The following CSRNP3 variants were observed in gnomAD, a reference collection of about 807,000 sequenced individuals.
The protein encoded by CSRNP3 is cysteine and serine rich nuclear protein 3, also known as cysteine/serine-rich nuclear protein 3.
CSRNP3 carries 12 observed loss-of-function variants against 48.0 expected under a neutral mutation model. The observed-to-expected ratio is 0.25, with a 90% CI of 0.16 to 0.41. The LOEUF is 0.41. Among genes scored for constraint, CSRNP3 ranks in the 10% least tolerant of loss-of-function variants. CSRNP3 has a pLI of 1.00. For synonymous variants in CSRNP3, 263 were observed against 269.7 expected (o/e 0.98, Z 0.24); for missense variants, 580 against 724.4 (o/e 0.80, Z 2.29).
intron 5 of CSRNP3, among the ~76,000 whole-genome samples, chr2:165,669,303 G>A (rs577787338): frequency 6.6e-6 from 1 of 152,056 alleles, no homozygotes; most frequent in African/African-American, 2.4e-5. Context: ...GTTTTATTTT[G>A]TTTTGCCCTG....
chr2:165,587,678 T>C (rs1685653907), intron 3 of CSRNP3, among the ~76,000 whole-genome samples: 1 of 152,216 alleles, frequency 6.6e-6, no homozygotes, highest in South Asian at 2.1e-4. Context: ...AGCTGTATCG[T>C]AGATTGCATG....
At position 165,667,674 on chromosome 2, in the gene CSRNP3, G is replaced by A. The variant is rs192111028; in HGVS notation, c.409-8638G>A. ...TGACATGCCTGTTCTCACATTTTTG[G>A]TTTGAAGGTTTTTCTTTTTGAAAAA... On this transcript the variant is annotated intron_variant, in intron 5 of 6. Coordinates refer to ENST00000651982, the MANE Select transcript of CSRNP3 (RefSeq NM_001172173.2). 5.4e-3 allele frequency among the ~76,000 whole-genome samples: 819 copies of A among 152,118 alleles called. 3 individuals carry two copies. Among genetic ancestry groups the A allele is most frequent in the Non-Finnish European group, 7.2e-3 (488 of 68,010 alleles).
At chr2:165,659,106 G>A (rs1201051914) in intron 5 of CSRNP3, among the ~76,000 whole-genome samples, 9 of 152,204 alleles carry the variant, frequency 5.9e-5, no homozygotes, top group Non-Finnish European at 1.3e-4. Flanking sequence ...CTGAGTTGGA[G>A]TGGCAGAATA....
intron 2 of CSRNP3, among the ~76,000 whole-genome samples, chr2:165,509,772 C>T (rs1360214665): frequency 6.6e-6 from 1 of 152,130 alleles, no homozygotes; most frequent in Non-Finnish European, 1.5e-5. Context: ...AAACAAGGTA[C>T]AGACTCTTCA....
intron 3 of CSRNP3, among the ~76,000 whole-genome samples, chr2:165,575,052 G>A (rs1230982264): frequency 6.6e-6 from 1 of 151,992 alleles, no homozygotes; most frequent in Non-Finnish European, 1.5e-5. Flanking sequence ...GGACTTTTTG[G>A]ATAATGCTAT....
At chr2:165,656,422 C>T (rs557104144) in intron 4 of CSRNP3, among the ~76,000 whole-genome samples, 3 of 151,998 alleles carry the variant, frequency 2.0e-5, no homozygotes, top group Middle Eastern at 3.4e-3. Context: ...ATCATTACCA[C>T]AAAAAAATCA....
chr2:165,585,066 T>C (rs1415767655), intron 3 of CSRNP3, among the ~76,000 whole-genome samples: 1 of 152,178 alleles, frequency 6.6e-6, no homozygotes, highest in Non-Finnish European at 1.5e-5. Flanking sequence ...CAGAACATTA[T>C]AGATTACTAA....
intron 3 of CSRNP3, among the ~76,000 whole-genome samples, chr2:165,547,093 G>A (rs1423813939): frequency 6.6e-6 from 1 of 152,002 alleles, no homozygotes; most frequent in Non-Finnish European, 1.5e-5. Flanking sequence ...GTCTTTTTCT[G>A]TGGACAGTAA....
chr2:165,492,742 A>G (rs1684233510), intron 1 of CSRNP3, among the ~76,000 whole-genome samples: 1 of 150,204 alleles, frequency 6.7e-6, no homozygotes, highest in Non-Finnish European at 1.5e-5. Flanking sequence ...AAAAAAAAAA[A>G]AAAGAACAAA....
At chr2:165,536,051 T>C (rs1684877792) in intron 3 of CSRNP3, among the ~76,000 whole-genome samples, 1 of 151,860 alleles carries the variant, frequency 6.6e-6, no homozygotes, top group African/African-American at 2.4e-5. Flanking sequence ...ATAATGTTCT[T>C]AACACTAGAG....
chr2:165,586,473 T>G (rs374430387), intron 3 of CSRNP3, among the ~76,000 whole-genome samples: 17 of 152,276 alleles, frequency 1.1e-4, no homozygotes, highest in East Asian at 9.6e-4. Flanking sequence ...TCAGATAAAT[T>G]TTAGTGTAAG....
At chr2:165,620,854 C>T (rs1463087839) in intron 4 of CSRNP3, among the ~76,000 whole-genome samples, 3 of 151,940 alleles carry the variant, frequency 2.0e-5, no homozygotes, top group Non-Finnish European at 4.4e-5. Flanking sequence ...TCAATGTTGC[C>T]CATGGATTAA....
chr2:165,541,000 A>G (rs1461208951), intron 3 of CSRNP3, among the ~76,000 whole-genome samples: 1 of 152,076 alleles, frequency 6.6e-6, no homozygotes, highest in Non-Finnish European at 1.5e-5. Flanking sequence ...GGCCTTCCAA[A>G]GAAAATTTTA....
intron 5 of CSRNP3, among the ~76,000 whole-genome samples, chr2:165,673,739 A>T (rs1014822363): frequency 6.6e-6 from 1 of 152,106 alleles, no homozygotes; most frequent in African/African-American, 2.4e-5. Context: ...AACCATTTTT[A>T]AAAAATAGAG....
chr2:165,666,332 AAGAAAGAG>A (rs1253177725), intron 5 of CSRNP3, among the ~76,000 whole-genome samples: 1 of 122,678 alleles, frequency 8.2e-6, no homozygotes, highest in South Asian at 2.9e-4. Flanking sequence ...GAGAGGAAGA[AAGAAAGAG>A]AGAGAGAAAG....
intron 4 of CSRNP3, among the ~76,000 whole-genome samples, chr2:165,628,858 G>A (rs1426243174): frequency 1.3e-5 from 2 of 152,192 alleles, no homozygotes; most frequent in African/African-American, 4.8e-5. Flanking sequence ...TTGAGCCCAG[G>A]AGTTTCAGAC....
At chr2:165,619,917 G>A (rs1490573570) in intron 4 of CSRNP3, among the ~76,000 whole-genome samples, 1 of 152,078 alleles carries the variant, frequency 6.6e-6, no homozygotes, top group Non-Finnish European at 1.5e-5. Flanking sequence ...CATATTCTTA[G>A]TAAGAGCAAG....
At chr2:165,621,738 C>G (rs1686343461) in intron 4 of CSRNP3, among the ~76,000 whole-genome samples, 1 of 152,108 alleles carries the variant, frequency 6.6e-6, no homozygotes, top group Admixed American at 6.5e-5. Context: ...ATTTTAAACA[C>G]TTTTGTTACA....
chr2:165,540,785 A>G (rs1254481972), intron 3 of CSRNP3, among the ~76,000 whole-genome samples: 1 of 152,028 alleles, frequency 6.6e-6, no homozygotes, highest in African/African-American at 2.4e-5. Context: ...TAGAGGGGTA[A>G]TTCACCTGCC....
Sources: gnomAD v4.1 joint callset for allele counts (sites outside exome capture counted in the v4.1 genomes callset) on GRCh38, gnomAD v4.1.1 for gene constraint, MANE v1.5 for transcripts, NCBI Gene and HGNC (gene_info 2026-07-23, HGNC 2026-07-21) for gene names.